The following TRAPPC9 variants were observed in gnomAD, a reference collection of about 807,000 sequenced individuals.
TRAPPC9 encodes IKK2 binding protein.
A neutral mutation model predicts 124.0 loss-of-function variants in TRAPPC9; 83 were observed. The ratio of observed to expected loss-of-function variants is 0.67; its 90% CI spans 0.56 to 0.80. The LOEUF is 0.80. Among genes scored for constraint, TRAPPC9 ranks in the 30% least tolerant of loss-of-function variants. TRAPPC9 has a pLI of 0.00. For missense variants in TRAPPC9, 1,302 were observed against 1,508.3 expected (o/e 0.86, Z 2.27); for synonymous variants, 638 against 617.5 (o/e 1.03, Z -0.49).
chr8:140,318,666 G>A (rs1171648432), intron 9 of TRAPPC9, among the ~76,000 whole-genome samples: 1 of 152,218 alleles, frequency 6.6e-6, no homozygotes, highest in Non-Finnish European at 1.5e-5. Flanking sequence ...TTAGCCTAAT[G>A]CTCTCCAGTT....
chr8:140,236,731 TAAAATGAAAAA>T (rs1463170310), intron 16 of TRAPPC9, among the ~76,000 whole-genome samples: 2 of 152,152 alleles, frequency 1.3e-5, no homozygotes, highest in Non-Finnish European at 2.9e-5. Context: ...GAAAGACATT[TAAAATGAAAAA>T]TAAATGAAGA....
chr8:139,940,386 G>A (rs2614714), intron 19 of TRAPPC9, among the ~76,000 whole-genome samples: 55,211 of 152,200 alleles, frequency 0.36, 12,204 homozygotes, highest in Non-Finnish European at 0.48. Flanking sequence ...TATTATCATC[G>A]TCATCATCTT....
At position 140,063,532 on chromosome 8, in the gene TRAPPC9, G is replaced by A. The variant is rs2129653366; in HGVS notation, c.2557-39453C>T. Among the ~76,000 whole-genome samples, 1 of 152,284 alleles carries A rather than the reference G, an allele frequency of 6.6e-6. No homozygotes were observed. The highest frequency in any genetic ancestry group is 2.1e-4 in the South Asian group (1 of 4,820). On this transcript the variant is annotated intron_variant, in intron 17 of 22. Transcript: ENST00000438773. This position sits in a 1 kb window ranked among gnomAD's most constrained non-coding sequence, Gnocchi z 4.3. ...CAAGCCTATACCATAAGAGGCCCAG[G>A]AGAAATGTTTGTTGAATGGATCGGG...
chr8:139,915,257 T>G (rs951094458), intron 19 of TRAPPC9, among the ~76,000 whole-genome samples: 1 of 152,098 alleles, frequency 6.6e-6, no homozygotes, highest in Non-Finnish European at 1.5e-5. Flanking sequence ...TTATTTTGAT[T>G]TTTTTTTGAG....
intron 7 of TRAPPC9, among the ~76,000 whole-genome samples, chr8:140,385,246 C>T (rs879418440): frequency 3.4e-4 from 52 of 152,190 alleles, no homozygotes; most frequent in Non-Finnish European, 3.7e-4. Context: ...ACCCTAACAT[C>T]GTAATTAAAA....
intron 17 of TRAPPC9, among the ~76,000 whole-genome samples, chr8:140,041,833 G>A (rs1307855234): frequency 4.6e-5 from 7 of 152,172 alleles, no homozygotes; most frequent in African/African-American, 9.7e-5. Flanking sequence ...TTAGCTGGGT[G>A]TGGTGGCGTG....
At chr8:139,814,650 C>T (rs529263969) in intron 21 of TRAPPC9, among the ~76,000 whole-genome samples, 4 of 152,168 alleles carry the variant, frequency 2.6e-5, no homozygotes, top group Non-Finnish European at 1.5e-5. Flanking sequence ...AGGGCTAGAA[C>T]CTGAATCCAG....
chr8:140,072,185 A>C (rs1843197558), intron 17 of TRAPPC9, among the ~76,000 whole-genome samples: 1 of 152,202 alleles, frequency 6.6e-6, no homozygotes, highest in Non-Finnish European at 1.5e-5. Context: ...TTGTACACCA[A>C]CGAGAGTGAA....
chr8:139,893,186 C>G (rs893694613), intron 20 of TRAPPC9, among the ~76,000 whole-genome samples: 1 of 152,224 alleles, frequency 6.6e-6, no homozygotes, highest in African/African-American at 2.4e-5. Flanking sequence ...TCCTGTGGAG[C>G]TTCAGGGGCT....
At chr8:140,140,107 G>A (rs2061361788) in intron 17 of TRAPPC9, among the ~76,000 whole-genome samples, 1 of 152,154 alleles carries the variant, frequency 6.6e-6, no homozygotes, top group Non-Finnish European at 1.5e-5. Flanking sequence ...GCAAGTGCAG[G>A]GGTGAGCACA....
rs2233225 is a variant in TRAPPC9 at position 139,930,403 on chromosome 8, G to A, written c.2811-20103C>T. On this transcript the variant is annotated intron_variant, in intron 19 of 22. Transcript: ENST00000438773. Reference sequence around the variant, plus strand: ...GCCAGTCAACTTCTCCCGTGGTGTCGGTAGGGCAGGTGGGTGGCTCAGGAT... The same window carrying A: ...GCCAGTCAACTTCTCCCGTGGTGTCAGTAGGGCAGGTGGGTGGCTCAGGAT... 8.5e-5 allele frequency among the ~76,000 whole-genome samples: 13 copies of A among 152,340 alleles called. No individual in the cohort carries two copies. In the South Asian group the frequency reaches 1.0e-3, roughly 12 times the overall value.
chr8:139,829,346 G>T (rs1306772214), intron 21 of TRAPPC9, among the ~76,000 whole-genome samples: 1 of 152,238 alleles, frequency 6.6e-6, no homozygotes, highest in Admixed American at 6.5e-5. Context: ...AGACGATAGG[G>T]ATGTCAAATA....
intron 17 of TRAPPC9, among the ~76,000 whole-genome samples, chr8:140,048,829 C>T (rs916296874): frequency 5.3e-5 from 8 of 152,166 alleles, no homozygotes; most frequent in African/African-American, 1.7e-4. Flanking sequence ...TACTTGCTTC[C>T]TGTCACCCAT....
At position 140,097,726 on chromosome 8, in the gene TRAPPC9, G is replaced by C. The variant is rs1014497142; in HGVS notation, c.2557-73647C>G. On this transcript the variant is annotated intron_variant, in intron 17 of 22. Transcript: ENST00000438773. The surrounding 1 kb of genome is among the most constrained non-coding windows in gnomAD (Gnocchi z 4.2). ...ACGCCTGTCTGGGTGGGTCCTTGGT[G>C]CACAACCACAGGCGCGCTGCAGTCG... is the stretch of plus-strand genomic sequence containing the variant. The C allele has an allele frequency of 6.6e-6, 1 of 152,210 alleles. No individual in the cohort carries two copies. Among genetic ancestry groups the C allele is most frequent in the Non-Finnish European group, 1.5e-5 (1 of 68,056 alleles). The allele number at this position is 152,210 out of a possible 1,614,324, so 9.4% of individuals were successfully genotyped here.
intron 20 of TRAPPC9, among the ~76,000 whole-genome samples, chr8:139,897,249 C>T (rs1563903650): frequency 1.3e-5 from 2 of 152,190 alleles, no homozygotes; most frequent in African/African-American, 4.8e-5. Flanking sequence ...TGCTCACATG[C>T]CCTGCTGGTC....
chr8:139,772,690 T>C (rs1194766683), intron 21 of TRAPPC9, among the ~76,000 whole-genome samples: 1 of 152,236 alleles, frequency 6.6e-6, no homozygotes, highest in African/African-American at 2.4e-5. Context: ...TACTAACATA[T>C]ACGACACCTA....
chr8:140,084,737 T>C (rs1418081811), intron 17 of TRAPPC9, among the ~76,000 whole-genome samples: 1 of 152,216 alleles, frequency 6.6e-6, no homozygotes, highest in Admixed American at 6.5e-5. Context: ...AGGTGATGCA[T>C]CTGTCAGAAA....
intron 17 of TRAPPC9, among the ~76,000 whole-genome samples, chr8:140,062,851 C>T (rs56714728): frequency 0.019 from 2,850 of 152,292 alleles, 82 homozygotes; most frequent in African/African-American, 0.064. Flanking sequence ...AGCACCCCGA[C>T]TATCACACAC....
chr8:140,086,299 G>C (rs1032133675), intron 17 of TRAPPC9, among the ~76,000 whole-genome samples: 1 of 152,202 alleles, frequency 6.6e-6, no homozygotes, highest in Non-Finnish European at 1.5e-5. Flanking sequence ...AGGGGAAGAC[G>C]ATGAAAGGAG....
Sources: allele counts gnomAD v4.1 joint callset (sites outside exome capture counted in the v4.1 genomes callset), GRCh38; gene constraint gnomAD v4.1.1; non-coding constraint Gnocchi (gnomAD v3.1); transcripts MANE v1.5; gene names NCBI Gene and HGNC (gene_info 2026-07-23, HGNC 2026-07-21).